The following CNTN6 variants were observed in gnomAD, a reference collection of about 807,000 sequenced individuals.
CNTN6 encodes contactin-6.
A neutral mutation model predicts 122.8 loss-of-function variants in CNTN6; 137 were observed. That is an observed-to-expected ratio of 1.12 (90% CI 0.97 to 1.29). CNTN6 has a LOEUF of 1.29. CNTN6 is among the 50% of genes most tolerant of loss of function. The probability of loss-of-function intolerance (pLI) is 0.00; values close to 1 mark genes in which losing one functional copy is unlikely to be tolerated. For missense variants in CNTN6, 1,634 were observed against 1,223.4 expected (o/e 1.34, Z -5.01); for synonymous variants, 570 against 426.0 (o/e 1.34, Z -4.16).
Position 1,401,467 on chromosome 3 carries a change from G to C in CNTN6, c.2739G>C (p.Lys913Asn). Reference protein sequence around the residue: ...PSQPPANIAWKLTNSKLCLNW... With the variant: ...PSQPPANIAWNLTNSKLCLNW... ...AACCACCAGCAAACATTGCCTGGAA[G>C]CTGACAAACTCTAAATTATGCTTGA... Residue 913 changes from lysine to asparagine, a missense_variant, in exon 21 of 23, where the codon AAG becomes AAC. Coordinates refer to ENST00000446702, the MANE Select transcript of CNTN6 (RefSeq NM_001289080.2). 1 of 1,612,094 alleles carries C rather than the reference G, an allele frequency of 6.2e-7. No individual in the cohort carries two copies. Among genetic ancestry groups the C allele is most frequent in the East Asian group, 2.2e-5 (1 of 44,804 alleles).
chr3:1,401,296 T>A (rs1695672988), intron 20 of CNTN6, 137 bp from the exon 21 acceptor site: 4 of 675,620 alleles, frequency 5.9e-6, no homozygotes, highest in Non-Finnish European at 1.0e-5. Context: ...ATTAATATAT[T>A]TCAAATGACA....
intron 4 of CNTN6, among the ~76,000 whole-genome samples, chr3:1,244,518 C>G (rs2094532371): frequency 6.6e-6 from 1 of 151,646 alleles, no homozygotes; most frequent in Admixed American, 6.6e-5. Flanking sequence ...CTTGGCCCTG[C>G]CCCAGGAAAG....
chr3:1,201,981 T>C (rs966352473), intron 2 of CNTN6, among the ~76,000 whole-genome samples: 1 of 152,216 alleles, frequency 6.6e-6, no homozygotes, highest in Non-Finnish European at 1.5e-5. Context: ...TTTCTCTATT[T>C]TTCTGAGTCT....
intron 2 of CNTN6, among the ~76,000 whole-genome samples, chr3:1,176,994 C>T (rs2093462808): frequency 8.4e-6 from 1 of 119,736 alleles, no homozygotes. Context: ...TGAAATAATA[C>T]ACCTCTGGAT....
chr3:1,095,318 A>C (rs2090467169), intron 1 of CNTN6, among the ~76,000 whole-genome samples: 1 of 152,036 alleles, frequency 6.6e-6, no homozygotes. Context: ...TAAAAATACA[A>C]AAATTAGCTG....
intron 1 of CNTN6, 158 bp downstream of exon 1, chr3:1,093,278 A>C (rs540456970): frequency 5.9e-6 from 1 of 169,650 alleles, no homozygotes; most frequent in South Asian, 1.4e-4. Context: ...CTGTGTTTCT[A>C]TGATGCTGAT....
chr3:1,223,288 T>G (rs1302418230), intron 3 of CNTN6, among the ~76,000 whole-genome samples: 1 of 152,214 alleles, frequency 6.6e-6, no homozygotes, highest in Non-Finnish European at 1.5e-5. Context: ...GGAATAATCA[T>G]TTTTCTCTCC....
rs1705545759 is a variant in CNTN6 at position 1,351,030 on chromosome 3, G to C, written c.1365-1294G>C. 2.6e-5 allele frequency among the ~76,000 whole-genome samples: 4 copies of C among 151,880 alleles called. No homozygotes were observed. In the South Asian group the frequency reaches 8.3e-4, roughly 32 times the overall value. On this transcript the variant is annotated intron_variant, in intron 11 of 22. Coordinates refer to ENST00000446702, the MANE Select transcript of CNTN6 (RefSeq NM_001289080.2). Reference sequence around the variant, plus strand: ...AAGACATTAAATGTCTGCTATGGGAGAATACTCTAAGATAATGACTTTAAA... The same window carrying C: ...AAGACATTAAATGTCTGCTATGGGACAATACTCTAAGATAATGACTTTAAA...
intron 1 of CNTN6, among the ~76,000 whole-genome samples, chr3:1,112,108 G>C (rs2091508761): frequency 6.6e-6 from 1 of 152,058 alleles, no homozygotes; most frequent in African/African-American, 2.4e-5. Flanking sequence ...CAGTTTATCA[G>C]GGAAATATGT....
chr3:1,332,802 T>G (rs1316465820), intron 11 of CNTN6, among the ~76,000 whole-genome samples: 1 of 152,044 alleles, frequency 6.6e-6, no homozygotes, highest in African/African-American at 2.4e-5. Flanking sequence ...CAAGGTTGAT[T>G]ATTTCTTCTA....
At chr3:1,272,980 C>T (rs568371979) in intron 4 of CNTN6, among the ~76,000 whole-genome samples, 52 of 152,272 alleles carry the variant, frequency 3.4e-4, no homozygotes, top group African/African-American at 1.2e-3. Flanking sequence ...GCATATGGCC[C>T]AGTAATTCTT....
chr3:1,401,255 G>C (rs1369151686), intron 20 of CNTN6, 178 bp from the exon 21 acceptor site: 15 of 550,640 alleles, frequency 2.7e-5, no homozygotes, highest in Admixed American at 2.1e-4. Flanking sequence ...CAAATGACCA[G>C]ATTTGAATAA....
intron 4 of CNTN6, among the ~76,000 whole-genome samples, chr3:1,232,698 CCA>C (rs2094368022): frequency 1.3e-5 from 2 of 152,150 alleles, no homozygotes; most frequent in Admixed American, 1.3e-4. Flanking sequence ...AAGAGTCCTA[CCA>C]CCTACTGCAC....
At chr3:1,216,772 G>T (rs1011142433) in intron 2 of CNTN6, among the ~76,000 whole-genome samples, 6 of 152,126 alleles carry the variant, frequency 3.9e-5, no homozygotes, top group African/African-American at 7.2e-5. Flanking sequence ...GTTAATAAAA[G>T]AACTTATTTT....
intron 7 of CNTN6, among the ~76,000 whole-genome samples, chr3:1,301,153 C>G (rs1023791537): frequency 6.6e-6 from 1 of 150,854 alleles, no homozygotes; most frequent in Non-Finnish European, 1.5e-5. Context: ...TCTCCTGCCT[C>G]AGCCTCCAGA....
intron 5 of CNTN6, among the ~76,000 whole-genome samples, chr3:1,280,525 C>T (rs1693209303): frequency 7.9e-6 from 1 of 126,062 alleles, no homozygotes; most frequent in Non-Finnish European, 1.6e-5. Flanking sequence ...AGTGCAGTGG[C>T]TCGATCTTGG....
intron 2 of CNTN6, among the ~76,000 whole-genome samples, chr3:1,216,296 A>C (rs944553297): frequency 6.6e-6 from 1 of 152,150 alleles, no homozygotes; most frequent in Non-Finnish European, 1.5e-5. Flanking sequence ...GAATGCTGTT[A>C]TTTCACCAGT....
intron 2 of CNTN6, among the ~76,000 whole-genome samples, chr3:1,202,363 A>G (rs1346817146): frequency 6.6e-6 from 1 of 151,770 alleles, no homozygotes; most frequent in Admixed American, 6.6e-5. Context: ...ACACGGTGAA[A>G]CCGCGTCTCT....
intron 4 of CNTN6, among the ~76,000 whole-genome samples, chr3:1,248,448 A>G: frequency 6.6e-6 from 1 of 152,340 alleles, no homozygotes; most frequent in Non-Finnish European, 1.5e-5. Flanking sequence ...CCTCAAAACT[A>G]CCATGTAAAA....
Sources: allele counts gnomAD v4.1 joint callset (sites outside exome capture counted in the v4.1 genomes callset), GRCh38; gene constraint gnomAD v4.1.1; transcripts MANE v1.5; gene names NCBI Gene and HGNC (gene_info 2026-07-23, HGNC 2026-07-21).